DNAH11: variants seen among roughly 807,000 people sequenced by gnomAD.
The protein encoded by DNAH11 is axonemal beta dynein heavy chain 11.
Under a neutral mutation model 526.0 loss-of-function variants are expected in DNAH11, and 442 were observed. The ratio of observed to expected loss-of-function variants is 0.84; its 90% CI spans 0.78 to 0.91. The LOEUF is 0.91. Ranked by LOEUF, DNAH11 falls within the 40% of genes least tolerant of loss-of-function variation. DNAH11 has a pLI of 0.00. For synonymous variants in DNAH11, 2,461 were observed against 1,935.9 expected, an observed-to-expected ratio of 1.27 and a Z score of -7.12; for missense variants, 6,989 against 5,448.7, an observed-to-expected ratio of 1.28 and a Z score of -8.90.
chr7:21,784,513 T>C lies in DNAH11; in HGVS notation c.9570T>C (p.Ala3190=). Residue 3190 remains alanine (A), a synonymous_variant, in exon 58 of 82, where the codon GCT becomes GCC. Transcript: ENST00000409508. ...LLKAEPALVA[A]TAALNTLNRV... ...AGGCTGAGCCTGCACTGGTGGCTGC[T>C]ACAGCTGCACTCAATACACTCAACA... 13 of 1,612,636 alleles carry C rather than the reference T, an allele frequency of 8.1e-6. No homozygotes were observed. The highest frequency in any genetic ancestry group is 1.1e-5 in the Non-Finnish European group (13 of 1,179,160).
intron 28 of DNAH11, among the ~76,000 whole-genome samples, chr7:21,646,263 C>G (rs149678587): frequency 1.3e-5 from 2 of 152,246 alleles, no homozygotes; most frequent in East Asian, 3.9e-4. Context: ...ATAACAGGAA[C>G]TGGATTTACC....
At position 21,544,903 on chromosome 7, in the gene DNAH11, G is replaced by C. The variant is rs552477772; in HGVS notation, c.352-103G>C. ...TGTTTATAGGGCAGGCAAGATGCCA[G>C]GTTTTGTTTCTTCTGCTAGCAATAC... On this transcript the variant is annotated intron_variant, in intron 1 of 81. Transcript: ENST00000409508. The C allele has an allele frequency of 4.5e-5, 44 of 978,636 alleles. No homozygotes were observed. The African/African-American group carries it at 6.1e-4, about 13-fold the overall frequency. The allele number at this position is 978,636 out of a possible 1,614,324, so 60.6% of individuals were successfully genotyped here. A position where few individuals can be genotyped will look rare whatever the true frequency, so the allele number is the denominator to read the frequency against.
intron 68 of DNAH11, among the ~76,000 whole-genome samples, chr7:21,855,317 C>T (rs1782802671): frequency 6.6e-6 from 1 of 152,178 alleles, no homozygotes; most frequent in Non-Finnish European, 1.5e-5. Flanking sequence ...AGGCGTGAGC[C>T]ACCGCACCTG....
chr7:21,720,886 T>G, intron 44 of DNAH11, 30 bp downstream of exon 44: 1 of 1,604,150 alleles, frequency 6.2e-7, no homozygotes, highest in Non-Finnish European at 8.5e-7. Context: ...ACAGGACCAG[T>G]TTCCAGTTTT....
At chr7:21,610,104 A>T (rs966057268) in intron 20 of DNAH11, among the ~76,000 whole-genome samples, 5 of 152,132 alleles carry the variant, frequency 3.3e-5, no homozygotes, top group Non-Finnish European at 5.9e-5. Context: ...AATACAAAAA[A>T]TTAGCCGGGC....
chr7:21,673,500 C>T (rs528105317), intron 30 of DNAH11, among the ~76,000 whole-genome samples: 1 of 152,170 alleles, frequency 6.6e-6, no homozygotes, highest in African/African-American at 2.4e-5. Flanking sequence ...TCCCTCCCCC[C>T]ACAGCATCCT....
chr7:21,564,044 G>GCC, intron 5 of DNAH11, 142 bp from the exon 6 acceptor site: 1 of 589,978 alleles, frequency 1.7e-6, no homozygotes, highest in Non-Finnish European at 2.9e-6. Context: ...GTAGATTGTA[G>GCC]GATAAGTAAT....
intron 42 of DNAH11, among the ~76,000 whole-genome samples, chr7:21,717,291 G>A (rs760022844): frequency 1.6e-4 from 24 of 151,988 alleles, no homozygotes; most frequent in African/African-American, 5.8e-4. Context: ...TATCAGATTG[G>A]AGTTACATTC....
chr7:21,728,895 A>G (rs1166985717), intron 45 of DNAH11, among the ~76,000 whole-genome samples: 1 of 152,260 alleles, frequency 6.6e-6, no homozygotes, highest in Non-Finnish European at 1.5e-5. Flanking sequence ...TCTTTGGCTC[A>G]ATGCCCTGTA....
chr7:21,704,350 G>A, intron 37 of DNAH11, 84 bp from the exon 38 acceptor site: 3 of 1,321,036 alleles, frequency 2.3e-6, no homozygotes, highest in Non-Finnish European at 3.1e-6. Flanking sequence ...CACATATGAG[G>A]AGTAAAAATA....
intron 74 of DNAH11, among the ~76,000 whole-genome samples, chr7:21,879,005 TCA>T (rs1386739133): frequency 6.6e-6 from 1 of 152,176 alleles, no homozygotes; most frequent in Non-Finnish European, 1.5e-5. Flanking sequence ...TTTCCTTGCC[TCA>T]CAGAACTGCC....
intron 28 of DNAH11, among the ~76,000 whole-genome samples, chr7:21,645,053 C>T (rs1282583690): frequency 6.6e-6 from 1 of 152,132 alleles, no homozygotes; most frequent in Admixed American, 6.5e-5. Context: ...CTCTCCATAG[C>T]CAATGTATAA....
In DNAH11 at chr7:21,609,828, C is replaced by A. The variant is rs1279852808; in HGVS notation, c.3852+3095C>A. ...AGTCTAGAACTATGAGATTGAGTTT[C>A]TCATGGGGAAGTAGAAGATGCTGTT... is the stretch of plus-strand genomic sequence containing the variant. On this transcript the variant is annotated intron_variant, in intron 20 of 81. Coordinates refer to ENST00000409508, the MANE Select transcript of DNAH11 (RefSeq NM_001277115.2). Among the ~76,000 whole-genome samples the A allele has an allele frequency of 2.0e-5, 3 of 152,086 alleles. No individual in the cohort carries two copies. In the South Asian group the frequency reaches 6.2e-4, roughly 31 times the overall value.
At chr7:21,702,672 A>G in intron 36 of DNAH11, 38 bp from the exon 37 acceptor site, 3 of 1,572,154 alleles carry the variant, frequency 1.9e-6, no homozygotes, top group Non-Finnish European at 2.6e-6. Flanking sequence ...TTCTTCCCTC[A>G]TACAATTTTT....
chr7:21,699,644 T>C (rs1207801607), intron 36 of DNAH11, among the ~76,000 whole-genome samples: 2 of 152,162 alleles, frequency 1.3e-5, no homozygotes, highest in Admixed American at 1.3e-4. Flanking sequence ...AACAGTTGTC[T>C]CTGGATAGTA....
chr7:21,713,535 A>T lies in DNAH11; in HGVS notation c.6983+1675A>T, dbSNP rs578003810. ...CCTTCGTTCTCTTGTCCCTCCAGGC[A>T]TAGATACAATACCCATTCCTTGTGA... On this transcript the variant is annotated intron_variant, in intron 42 of 81. Coordinates refer to ENST00000409508, the MANE Select transcript of DNAH11 (RefSeq NM_001277115.2). Among the ~76,000 whole-genome samples, 5 of 152,256 alleles carry T rather than the reference A, an allele frequency of 3.3e-5. No individual in the cohort carries two copies. In the East Asian group the frequency reaches 9.7e-4, roughly 29 times the overall value.
intron 62 of DNAH11, among the ~76,000 whole-genome samples, chr7:21,804,258 G>A (rs867564127): frequency 8.6e-5 from 13 of 151,940 alleles, no homozygotes; most frequent in Non-Finnish European, 1.3e-4. Flanking sequence ...ACAGGTGCCC[G>A]CCACCACATC....
intron 30 of DNAH11, among the ~76,000 whole-genome samples, chr7:21,675,271 G>T (rs114073110): frequency 6.6e-6 from 1 of 151,996 alleles, no homozygotes; most frequent in African/African-American, 2.4e-5. Context: ...TTCCTATGCC[G>T]CCCACTCCTG....
chr7:21,561,113 A>G lies in DNAH11; in HGVS notation c.925A>G (p.Thr309Ala), dbSNP rs563007836. The change falls in exon 5 of 82, where the codon ACT becomes GCT. Residue 309 changes from threonine (T) to alanine (A), a missense_variant. Transcript: ENST00000409508. ...VVLKMVKILT[T>A]KQSSYFPTLK... ...CCTCAAAATGGTTAAGATCCTGACA[A>G]CTAAACAAAGCAGCTATTTTCCTAC... 1.6e-5 allele frequency: 25 copies of G among 1,605,330 alleles called. No homozygotes were observed. The South Asian group carries it at 2.1e-4, about 14-fold the overall frequency.
Sources: gnomAD v4.1 joint callset for allele counts (sites outside exome capture counted in the v4.1 genomes callset) on GRCh38, gnomAD v4.1.1 for gene constraint, MANE v1.5 for transcripts, NCBI Gene and HGNC (gene_info 2026-07-23, HGNC 2026-07-21) for gene names.